The following DYNC1LI1 variants were observed in gnomAD, a reference collection of about 807,000 sequenced individuals.
The protein encoded by DYNC1LI1 is cytoplasmic dynein 1 light intermediate chain 1.
Under a neutral mutation model 63.8 loss-of-function variants are expected in DYNC1LI1, and 19 were observed. The ratio of observed to expected loss-of-function variants is 0.30; its 90% confidence interval spans 0.21 to 0.44. DYNC1LI1 has a LOEUF of 0.44. DYNC1LI1 is among the 20% of genes least tolerant of loss of function. The pLI is 1.00. For synonymous variants in DYNC1LI1, 225 were observed against 232.3 expected (o/e 0.97, Z 0.28); for missense variants, 565 against 630.2 (o/e 0.90, Z 1.11).
chr3:32,537,145 A>C, intron 5 of DYNC1LI1, 41 bp from the exon 6 acceptor site: 1 of 1,128,062 alleles, frequency 8.9e-7, no homozygotes, highest in Non-Finnish European at 1.3e-6. Context: ...ATTTAAAATA[A>C]TCATAACTAA....
intron 6 of DYNC1LI1, among the ~76,000 whole-genome samples, 191 bp downstream of exon 6, chr3:32,536,820 C>T (rs1015379421): frequency 2.6e-5 from 4 of 152,106 alleles, no homozygotes; most frequent in African/African-American, 9.7e-5. Context: ...TAACATACTT[C>T]AATATTTGCT....
At chr3:32,545,135 G>T in intron 3 of DYNC1LI1, 29 bp from the exon 4 acceptor site, 20 of 1,461,862 alleles carry the variant, frequency 1.4e-5, no homozygotes, top group Non-Finnish European at 1.9e-5. Context: ...AGTAACCAAG[G>T]CAACAAGATT....
chr3:32,539,210 T>A lies in DYNC1LI1; in HGVS notation c.738+1827A>T, dbSNP rs189349564. On this transcript the variant is annotated intron_variant, in intron 5 of 12. Coordinates refer to ENST00000273130, the MANE Select transcript of DYNC1LI1 (RefSeq NM_016141.4). ...AAAAGGTGTATGTAACAATTAACTATACCAAAACCACCATTTGAAAGCAGA... is the reference window on the plus strand; with the variant it reads ...AAAAGGTGTATGTAACAATTAACTAAACCAAAACCACCATTTGAAAGCAGA... Among the ~76,000 whole-genome samples the A allele has an allele frequency of 1.5e-3, 236 of 152,276 alleles. 12 individuals carry two copies. The South Asian group carries it at 0.048, about 31-fold the overall frequency.
chr3:32,542,918 A>G (rs1397680341), intron 4 of DYNC1LI1, among the ~76,000 whole-genome samples: 1 of 152,154 alleles, frequency 6.6e-6, no homozygotes, highest in East Asian at 1.9e-4. Flanking sequence ...GTCTGTATGT[A>G]CCCTTAGCAG....
chr3:32,542,613 G>A (rs1035477050), intron 4 of DYNC1LI1, among the ~76,000 whole-genome samples: 51 of 151,974 alleles, frequency 3.4e-4, no homozygotes, highest in African/African-American at 1.1e-3. Context: ...TCATCATATC[G>A]GCCAGGCTAG....
At chr3:32,550,233 A>G (rs1698015278) in intron 2 of DYNC1LI1, among the ~76,000 whole-genome samples, 1 of 152,174 alleles carries the variant, frequency 6.6e-6, no homozygotes, top group Non-Finnish European at 1.5e-5. Flanking sequence ...GGAGTTAGAG[A>G]CCAGCCTGAC....
chr3:32,542,674 G>C (rs1171405913), intron 4 of DYNC1LI1, among the ~76,000 whole-genome samples: 1 of 152,084 alleles, frequency 6.6e-6, no homozygotes, highest in African/African-American at 2.4e-5. Flanking sequence ...CCAAGTGTTG[G>C]GATTACAGGC....
chr3:32,562,371 G>A (rs934630905), intron 2 of DYNC1LI1, among the ~76,000 whole-genome samples: 2 of 152,102 alleles, frequency 1.3e-5, no homozygotes, highest in Non-Finnish European at 1.5e-5. Context: ...ACAAGGTCCC[G>A]CTCTGTCACC....
chr3:32,556,987 A>G (rs914286295), intron 2 of DYNC1LI1, among the ~76,000 whole-genome samples: 2 of 152,198 alleles, frequency 1.3e-5, no homozygotes, highest in African/African-American at 4.8e-5. Flanking sequence ...TCAATAACAG[A>G]TCAATTAATA....
chr3:32,532,485 G>GTATATATATATATATATATATATATATA lies in DYNC1LI1; in HGVS notation c.1080+500_1080+501insTATATATATATATATATATATATATATA, dbSNP rs1292389896. On this transcript the variant is annotated intron_variant, in intron 8 of 12. Coordinates refer to ENST00000273130, the MANE Select transcript of DYNC1LI1 (RefSeq NM_016141.4). The stretch of plus-strand genomic sequence containing the variant: ...CATCTCAAAAAAAAAAAAAAAATGT[G>GTATATATATATATATATATATATATATA]TGTATATATATATATATATATAAAA... The GTATATATATATATATATATATATATATA allele has an allele frequency of 1.7e-3, 211 of 122,178 alleles. 8 individuals carry two copies. The highest frequency in any genetic ancestry group is 6.3e-3 in the East Asian group (24 of 3,800). The allele number at this position is 122,178 out of a possible 1,614,324, so 7.6% of individuals were successfully genotyped here. A position where few individuals can be genotyped will look rare whatever the true frequency, so the allele number is the denominator to read the frequency against.
intron 10 of DYNC1LI1, 83 bp downstream of exon 10, chr3:32,530,201 G>A: frequency 2.3e-5 from 27 of 1,151,166 alleles, no homozygotes; most frequent in Non-Finnish European, 3.3e-5. Flanking sequence ...ACACCCATAT[G>A]AAATATGTAC....
chr3:32,551,337 C>A (rs995966265), intron 2 of DYNC1LI1, among the ~76,000 whole-genome samples: 1 of 152,080 alleles, frequency 6.6e-6, no homozygotes, highest in African/African-American at 2.4e-5. Flanking sequence ...AAAGCACATA[C>A]AGAGACCCAG....
intron 6 of DYNC1LI1, 151 bp from the exon 7 acceptor site, chr3:32,534,797 G>C: frequency 4.1e-6 from 2 of 492,286 alleles, no homozygotes; most frequent in Middle Eastern, 1.0e-3. Context: ...AACTTCAAAA[G>C]TAAAAAATAC....
intron 2 of DYNC1LI1, among the ~76,000 whole-genome samples, chr3:32,549,087 C>T (rs1575155470): frequency 6.6e-6 from 1 of 151,978 alleles, no homozygotes; most frequent in African/African-American, 2.4e-5. Context: ...AAACCCAACA[C>T]TGGCATTTAA....
At chr3:32,532,889 G>T in intron 8 of DYNC1LI1, 97 bp downstream of exon 8, 1 of 1,400,896 alleles carries the variant, frequency 7.1e-7, no homozygotes, top group East Asian at 2.8e-5. Flanking sequence ...AGATGGAAAA[G>T]GACATTTTTG....
chr3:32,560,364 C>T (rs13326952), intron 2 of DYNC1LI1, among the ~76,000 whole-genome samples: 4,408 of 152,136 alleles, frequency 0.029, 225 homozygotes, highest in African/African-American at 0.1. Flanking sequence ...ACCAGGGAGA[C>T]GGAGGTTGCA....
intron 2 of DYNC1LI1, among the ~76,000 whole-genome samples, chr3:32,562,847 G>A (rs1698211183): frequency 6.6e-6 from 1 of 152,166 alleles, no homozygotes; most frequent in African/African-American, 2.4e-5. Context: ...TAGGGAGGCT[G>A]ACTCTTAAGA....
chr3:32,570,042 C>T, intron 2 of DYNC1LI1: 1 of 514,994 alleles, frequency 1.9e-6, no homozygotes, highest in Non-Finnish European at 3.5e-6. Context: ...TAGATAAACC[C>T]CAGGCCACGA....
rs1290938407 is a variant in DYNC1LI1, at chr3:32,529,664, T to C, written c.1186-4A>G. The stretch of plus-strand genomic sequence containing the variant: ...CTGGGACTCTTGGTGAGGCATCCTA[T>C]GTAAAAATAGGAAAATACAATTATA... On this transcript the variant is annotated splice_region_variant and splice_polypyrimidine_tract_variant and intron_variant, in intron 10 of 12. Coordinates refer to ENST00000273130, the MANE Select transcript of DYNC1LI1 (RefSeq NM_016141.4). 2 of 1,580,720 alleles carry C rather than the reference T, an allele frequency of 1.3e-6. No homozygotes were observed. The highest frequency in any genetic ancestry group is 1.2e-5 in the South Asian group (1 of 84,918).
Sources: gnomAD v4.1 joint callset for allele counts (sites outside exome capture counted in the v4.1 genomes callset) on GRCh38, gnomAD v4.1.1 for gene constraint, MANE v1.5 for transcripts, NCBI Gene and HGNC (gene_info 2026-07-23, HGNC 2026-07-21) for gene names.